The following MGAT4C variants were observed in gnomAD, a reference collection of about 807,000 sequenced individuals.
MGAT4C encodes alpha-1,3-mannosyl-glycoprotein 4-beta-N-acetylglucosaminyltransferase C.
MGAT4C carries 19 observed loss-of-function variants against 40.1 expected under a neutral mutation model. The ratio of observed to expected loss-of-function variants is 0.47; its 90% CI spans 0.33 to 0.70. The LOEUF is 0.70. MGAT4C is among the 30% of genes least tolerant of loss of function. MGAT4C has a pLI of 0.02. For missense variants in MGAT4C, 491 were observed against 563.2 expected (o/e 0.87, Z 1.30); for synonymous variants, 181 against 187.1 (o/e 0.97, Z 0.27).
At chr12:86,174,659 A>G (rs1463078670) in intron 1 of MGAT4C, among the ~76,000 whole-genome samples, 1 of 152,174 alleles carries the variant, frequency 6.6e-6, no homozygotes, top group South Asian at 2.1e-4. Flanking sequence ...AGTAATTCCA[A>G]TATCAAAACA....
At chr12:86,095,273 T>G (rs1052044633) in intron 1 of MGAT4C, among the ~76,000 whole-genome samples, 1 of 152,114 alleles carries the variant, frequency 6.6e-6, no homozygotes, top group Non-Finnish European at 1.5e-5. Context: ...AAAAATGCCC[T>G]ACTTTAAAGT....
chr12:86,529,083 A>G (rs1958934213), intron 2 of MGAT4C, among the ~76,000 whole-genome samples: 1 of 151,992 alleles, frequency 6.6e-6, no homozygotes, highest in Non-Finnish European at 1.5e-5. Flanking sequence ...CAACAACAAA[A>G]ATGGGAATGG....
At chr12:86,630,644 A>AT (rs1319015699) in intron 2 of MGAT4C, among the ~76,000 whole-genome samples, 2 of 152,340 alleles carry the variant, frequency 1.3e-5, no homozygotes, top group South Asian at 2.1e-4. Flanking sequence ...AGAACCAATG[A>AT]TAAAAACTAC....
chr12:86,587,754 C>G (rs10858450), intron 2 of MGAT4C, among the ~76,000 whole-genome samples: 127,917 of 150,392 alleles, frequency 0.85, 54,947 homozygotes, highest in East Asian at 0.96. Flanking sequence ...CTGTTTGTCT[C>G]TTATTGGTGT....
chr12:86,498,897 C>A lies in MGAT4C; in HGVS notation c.-228-63632G>T, dbSNP rs1349940817. ...ATCACTAGTGATACTGGAAGTACTG[C>A]CAAGAAGAGAGAAGTCAAGACATTA... On this transcript the variant is annotated intron_variant, in intron 2 of 7. Transcript: ENST00000548651. Among the ~76,000 whole-genome samples the A allele has an allele frequency of 2.0e-5, 3 of 151,764 alleles. No individual in the cohort carries two copies. The Admixed American group carries it at 2.0e-4, about 10-fold the overall frequency.
At chr12:86,230,714 C>T (rs1310438120) in intron 1 of MGAT4C, among the ~76,000 whole-genome samples, 1 of 152,040 alleles carries the variant, frequency 6.6e-6, no homozygotes, top group Admixed American at 6.6e-5. Context: ...AAAGGAAAAA[C>T]TCCAAAGAGA....
At chr12:86,773,833 C>T (rs1200802193) in intron 1 of MGAT4C, among the ~76,000 whole-genome samples, 1 of 151,086 alleles carries the variant, frequency 6.6e-6, no homozygotes, top group East Asian at 1.9e-4. Flanking sequence ...TTATGTAAAG[C>T]TTCCACATTG....
At chr12:86,028,463 A>AT in intron 2 of MGAT4C, among the ~76,000 whole-genome samples, 1 of 151,930 alleles carries the variant, frequency 6.6e-6, no homozygotes, top group East Asian at 1.9e-4. Context: ...CACTTTTAAC[A>AT]TTTTCTTACT....
chr12:86,187,743 C>T (rs1012018096), intron 1 of MGAT4C, among the ~76,000 whole-genome samples: 1 of 31,400 alleles, frequency 3.2e-5, no homozygotes, highest in Non-Finnish European at 6.9e-5. Flanking sequence ...TTCCTGCCTT[C>T]CAACTGCAAA....
At chr12:86,596,617 C>T (rs1961547575) in intron 2 of MGAT4C, among the ~76,000 whole-genome samples, 2 of 152,106 alleles carry the variant, frequency 1.3e-5, no homozygotes, top group South Asian at 4.1e-4. Flanking sequence ...TGAATGCCTT[C>T]CCACCTCCAT....
intron 2 of MGAT4C, among the ~76,000 whole-genome samples, chr12:86,513,596 T>A (rs1219603889): frequency 1.3e-5 from 2 of 152,088 alleles, no homozygotes; most frequent in Non-Finnish European, 2.9e-5. Context: ...TTTTTGAACA[T>A]ATAGTGCCAG....
intron 1 of MGAT4C, among the ~76,000 whole-genome samples, chr12:86,170,193 G>T (rs761870524): frequency 9.2e-5 from 14 of 152,188 alleles, no homozygotes; most frequent in Non-Finnish European, 1.9e-4. Flanking sequence ...CACTTTTAGT[G>T]CTGAGACTGG....
chr12:86,186,017 G>T (rs1246601022), intron 1 of MGAT4C, among the ~76,000 whole-genome samples: 1 of 152,108 alleles, frequency 6.6e-6, no homozygotes, highest in Non-Finnish European at 1.5e-5. Flanking sequence ...GACAAAGCCT[G>T]ATTGGCTCAA....
intron 1 of MGAT4C, among the ~76,000 whole-genome samples, chr12:86,811,367 G>A (rs1952471030): frequency 7.3e-6 from 1 of 136,496 alleles, no homozygotes; most frequent in African/African-American, 2.7e-5. Context: ...TCTTGAGACA[G>A]AGTCTCACTC....
intron 4 of MGAT4C, among the ~76,000 whole-genome samples, chr12:86,280,988 A>G (rs1953205352): frequency 6.6e-6 from 1 of 151,910 alleles, no homozygotes; most frequent in Admixed American, 6.6e-5. Flanking sequence ...TACCAGTAAT[A>G]TTATTATTGA....
intron 2 of MGAT4C, among the ~76,000 whole-genome samples, chr12:86,484,700 G>C (rs1957988819): frequency 6.6e-6 from 1 of 152,156 alleles, no homozygotes; most frequent in African/African-American, 2.4e-5. Context: ...TCACAGGGCT[G>C]GTCCAGGAAG....
intron 3 of MGAT4C, among the ~76,000 whole-genome samples, chr12:86,417,431 G>C (rs1956740897): frequency 6.6e-6 from 1 of 151,978 alleles, no homozygotes; most frequent in Admixed American, 6.6e-5. Flanking sequence ...AAAATCTATT[G>C]ATGGAAGTTT....
At chr12:86,334,323 T>C (rs192509904) in intron 3 of MGAT4C, among the ~76,000 whole-genome samples, 5 of 152,212 alleles carry the variant, frequency 3.3e-5, no homozygotes, top group African/African-American at 9.6e-5. Context: ...TTCAGCCCAA[T>C]GAACTCATTG....
At chr12:86,023,431 C>A (rs1889953816) in intron 2 of MGAT4C, among the ~76,000 whole-genome samples, 1 of 151,166 alleles carries the variant, frequency 6.6e-6, no homozygotes, top group Admixed American at 6.6e-5. Context: ...AATTTTGATT[C>A]CAAATTCCAG....
Sources: gnomAD v4.1 joint callset for allele counts (sites outside exome capture counted in the v4.1 genomes callset) on GRCh38, gnomAD v4.1.1 for gene constraint, MANE v1.5 for transcripts, NCBI Gene and HGNC (gene_info 2026-07-23, HGNC 2026-07-21) for gene names.